The following FRG1 variants were observed in gnomAD, a reference collection of about 807,000 sequenced individuals.
FRG1 encodes the protein protein FRG1.
Under a neutral mutation model 37.0 loss-of-function variants are expected in FRG1, and 19 were observed. The ratio of observed to expected loss-of-function variants is 0.51; its 90% CI spans 0.36 to 0.75. The LOEUF is 0.75. Ranked by LOEUF, FRG1 falls within the 30% of genes least tolerant of loss-of-function variation. The pLI, the probability that FRG1 is intolerant of heterozygous loss-of-function variation, is 0.00. For synonymous variants in FRG1, 73 were observed against 96.5 expected, an observed-to-expected ratio of 0.76 and a Z score of 1.43; for missense variants, 243 against 301.4, an observed-to-expected ratio of 0.81 and a Z score of 1.44.
At chr4:189,948,654 A>G (rs1396574590) in intron 2 of FRG1, among the ~76,000 whole-genome samples, 1 of 152,094 alleles carries the variant, frequency 6.6e-6, no homozygotes, top group African/African-American at 2.4e-5. Context: ...CCCTGGTACT[A>G]TCTTATCAGC....
intron 2 of FRG1, among the ~76,000 whole-genome samples, chr4:189,951,211 C>T (rs1485274962): frequency 6.6e-6 from 1 of 152,016 alleles, no homozygotes; most frequent in South Asian, 2.1e-4. Context: ...GATTACTGGC[C>T]AGGCGCGGTG....
chr4:189,958,086 ATGAGTT>A (rs1703049820), intron 6 of FRG1, among the ~76,000 whole-genome samples: 1 of 148,264 alleles, frequency 6.7e-6, no homozygotes, highest in Non-Finnish European at 1.5e-5. Flanking sequence ...GTTTTCTACT[ATGAGTT>A]TGAATGTAGA....
intron 7 of FRG1, chr4:189,961,287 A>G (rs2126825419): frequency 6.3e-6 from 1 of 159,602 alleles, no homozygotes; most frequent in East Asian, 1.9e-4. Context: ...GACTCTAGCC[A>G]GCATGCCCTA....
intron 7 of FRG1, 99 bp from the exon 8 acceptor site, chr4:189,961,723 T>G: frequency 8.1e-6 from 5 of 615,638 alleles, no homozygotes; most frequent in African/African-American, 3.9e-5. Flanking sequence ...TTAGACTTTT[T>G]TACAAGTGAA....
At chr4:189,958,255 G>C (rs973143843) in intron 6 of FRG1, among the ~76,000 whole-genome samples, 1 of 152,084 alleles carries the variant, frequency 6.6e-6, no homozygotes, top group Non-Finnish European at 1.5e-5. Context: ...CAGTGCTGCA[G>C]TACATAACAT....
intron 6 of FRG1, 70 bp downstream of exon 6, chr4:189,957,572 A>T (rs1488402978): frequency 2.2e-6 from 3 of 1,333,800 alleles, no homozygotes; most frequent in Non-Finnish European, 3.2e-6. Context: ...TTAAAATGTT[A>T]AATGGTCATT....
At chr4:189,958,136 C>T (rs1367488234) in intron 6 of FRG1, among the ~76,000 whole-genome samples, 1 of 148,852 alleles carries the variant, frequency 6.7e-6, no homozygotes, top group African/African-American at 2.5e-5. Flanking sequence ...TCCTCTCTTT[C>T]TCTCTCTCTC....
At chr4:189,952,397 T>C (rs1191007696) in intron 3 of FRG1, 110 bp downstream of exon 3, 15 of 969,384 alleles carry the variant, frequency 1.5e-5, no homozygotes, top group Non-Finnish European at 2.3e-5. Context: ...ATGGAACCAT[T>C]GCATTTGACT....
Position 189,952,364 on chromosome 4 carries a change from A to G in FRG1, c.259+77A>G, listed in dbSNP as rs1270109462. On this transcript the variant is annotated intron_variant, in intron 3 of 8. Coordinates refer to ENST00000226798, the MANE Select transcript of FRG1 (RefSeq NM_004477.3). ...CATTCACTTAGGCCAAACTCTAACT[A>G]GTCTCAAACATTTTCCAAAGGAATG... is the stretch of plus-strand genomic sequence containing the variant. The G allele has an allele frequency of 9.9e-6, 13 of 1,314,614 alleles. No homozygotes were observed. The African/African-American group carries it at 1.8e-4, about 18-fold the overall frequency. 81.4% of individuals were successfully genotyped at this position (1,314,614 alleles called of 1,614,324 possible). A position where few individuals can be genotyped will look rare whatever the true frequency, so the allele number is the denominator to read the frequency against.
intron 2 of FRG1, among the ~76,000 whole-genome samples, chr4:189,949,593 TTTTA>T (rs1390127333): frequency 6.6e-6 from 1 of 152,196 alleles, no homozygotes; most frequent in Non-Finnish European, 1.5e-5. Context: ...ATTTAAATGA[TTTTA>T]TTTAATATTA....
At chr4:189,949,001 ATG>A (rs1736645518) in intron 2 of FRG1, among the ~76,000 whole-genome samples, 1 of 152,174 alleles carries the variant, frequency 6.6e-6, no homozygotes, top group Admixed American at 6.5e-5. Flanking sequence ...ATTCTAAACT[ATG>A]TGACAATATG....
At chr4:189,948,717 C>T in intron 2 of FRG1, among the ~76,000 whole-genome samples, 1 of 152,244 alleles carries the variant, frequency 6.6e-6, no homozygotes, top group Non-Finnish European at 1.5e-5. Flanking sequence ...TTGAGACAGG[C>T]TCTTGCTTTG....
chr4:189,943,178 G>A (rs80013880), intron 1 of FRG1, 24 bp from the exon 2 acceptor site: 6 of 1,546,036 alleles, frequency 3.9e-6, no homozygotes, highest in East Asian at 2.3e-5. Context: ...ACCTAAACTC[G>A]TCTATATAAA....
At chr4:189,954,747 G>C (rs368093449) in intron 4 of FRG1, among the ~76,000 whole-genome samples, 1 of 151,648 alleles carries the variant, frequency 6.6e-6, no homozygotes, top group Non-Finnish European at 1.5e-5. Flanking sequence ...TGTGCATGCC[G>C]CCATGCCCAG....
rs534139444 is a variant in FRG1, at chr4:189,951,243, A to C, written c.134-919A>C. Among the ~76,000 whole-genome samples the C allele has an allele frequency of 7.9e-5, 12 of 152,198 alleles. No individual in the cohort carries two copies. In the South Asian group the frequency reaches 1.0e-3, roughly 13 times the overall value. On this transcript the variant is annotated intron_variant, in intron 2 of 8. Coordinates refer to ENST00000226798, the MANE Select transcript of FRG1 (RefSeq NM_004477.3). ...GGTGGCTCACACCTGTAATCCCAGC[A>C]CTTTGGGAGGCAGAGGCGGGTGGAT...
chr4:189,952,312 T>C, intron 3 of FRG1, 25 bp downstream of exon 3: 1 of 1,604,840 alleles, frequency 6.2e-7, no homozygotes, highest in Non-Finnish European at 8.5e-7. Flanking sequence ...GGGAAGAGGC[T>C]GCCACAAGTG....
In FRG1 at chr4:189,944,427, AT is replaced by A. The variant is rs931051855; in HGVS notation, c.133+1165del. On this transcript the variant is annotated intron_variant, in intron 2 of 8. Transcript: ENST00000226798. ...TTTTAATTTTTATAAAGCTCAGTTT[AT>A]TTTTTTTTTCTTTTATGGTTACTGT... Among the ~76,000 whole-genome samples, 80 of 147,100 alleles carry A rather than the reference AT, an allele frequency of 5.4e-4. 1 individual carries two copies. In the East Asian group the frequency reaches 0.014, roughly 25 times the overall value.
rs749362426 is a variant in FRG1, at chr4:189,952,210, C to G, written c.182C>G (p.Ala61Gly). The change falls in exon 3 of 9, where the codon GCC (alanine) becomes GGC (glycine). Residue 61 changes from alanine (A) to glycine (G), a missense_variant. Ala to Gly is a moderately conservative substitution (Grantham distance 60). Transcript: ENST00000226798. ...TNFGEISGTI[A>G]IEMDKGTYIH... ...TTTGGTGAAATTTCAGGAACCATAGCCATTGAAATGGATAAGGGAACCTAT... is the reference window on the plus strand; with the variant it reads ...TTTGGTGAAATTTCAGGAACCATAGGCATTGAAATGGATAAGGGAACCTAT... 5 of 1,602,782 alleles carry G rather than the reference C, an allele frequency of 3.1e-6. No individual in the cohort carries two copies. In the African/African-American group the frequency reaches 6.7e-5, roughly 21 times the overall value.
At position 189,960,930 on chromosome 4, in the gene FRG1, T is replaced by C. The variant is rs1737201482; in HGVS notation, c.629+91T>C. 14 of 1,455,774 alleles carry C rather than the reference T, an allele frequency of 9.6e-6. No individual in the cohort carries two copies. In the South Asian group the frequency reaches 1.3e-4, roughly 14 times the overall value. The allele number at this position is 1,455,774 out of a possible 1,614,324, so 90.2% of individuals were successfully genotyped here. ...AATAAATTACCTACTTAGCTGGGCA[T>C]GGTGGTACATGCCTATAGGCCCAGC... On this transcript the variant is annotated intron_variant, in intron 7 of 8. Transcript: ENST00000226798.
Sources: allele counts gnomAD v4.1 joint callset (sites outside exome capture counted in the v4.1 genomes callset), GRCh38; gene constraint gnomAD v4.1.1; transcripts MANE v1.5; gene names NCBI Gene and HGNC (gene_info 2026-07-23, HGNC 2026-07-21).